Variants in CTNNA3 observed in about 807,000 individuals in gnomAD.
CTNNA3 encodes the protein catenin alpha 3, also known as catenin alpha-3.
Under a neutral mutation model 95.7 loss-of-function variants are expected in CTNNA3, and 76 were observed. That is an observed-to-expected ratio of 0.79 (90% confidence interval 0.66 to 0.96). The LOEUF is 0.96. Ranked by LOEUF, CTNNA3 falls within the 40% of genes least tolerant of loss-of-function variation. CTNNA3 has a pLI of 0.00. For synonymous variants in CTNNA3, 431 were observed against 374.4 expected (o/e 1.15, Z -1.74); for missense variants, 1,191 against 1,089.8 (o/e 1.09, Z -1.31).
intron 11 of CTNNA3, among the ~76,000 whole-genome samples, chr10:66,518,053 C>A (rs768537470): frequency 6.6e-6 from 1 of 152,058 alleles, no homozygotes; most frequent in Non-Finnish European, 1.5e-5. Flanking sequence ...GGGCTAGTAA[C>A]CCTAAAGCCA....
intron 17 of CTNNA3, among the ~76,000 whole-genome samples, chr10:65,931,908 G>T (rs2077259115): frequency 6.6e-6 from 1 of 152,160 alleles, no homozygotes; most frequent in Non-Finnish European, 1.5e-5. Context: ...AAAGCAGTAG[G>T]CATCTAAACT....
chr10:67,726,739 T>C (rs1201984405), intron 1 of CTNNA3, among the ~76,000 whole-genome samples: 1 of 99,444 alleles, frequency 1.0e-5, no homozygotes, highest in East Asian at 3.1e-4. Flanking sequence ...ATACAATATA[T>C]TATATATGAT....
Position 66,319,191 on chromosome 10 carries a change from G to GA in CTNNA3, c.1733-38571dup, listed in dbSNP as rs533989675. On this transcript the variant is annotated intron_variant, in intron 12 of 17. Transcript: ENST00000433211. ...TAATTACTTGATCATAATCAAATGG[G>GA]AAAAAAAATCAAGTGTTTAGTGTTT... 1.3e-3 allele frequency among the ~76,000 whole-genome samples: 203 copies of GA among 151,560 alleles called. 1 individual carries two copies. Among genetic ancestry groups the GA allele is most frequent in the African/African-American group, 4.4e-3 (184 of 41,382 alleles).
chr10:66,114,778 C>T (rs2082259170), intron 13 of CTNNA3, among the ~76,000 whole-genome samples: 1 of 151,484 alleles, frequency 6.6e-6, no homozygotes, highest in South Asian at 2.1e-4. Flanking sequence ...TCTCGGGAGG[C>T]TGAAGCAGGA....
At chr10:67,331,484 A>AT (rs1841792338) in intron 5 of CTNNA3, among the ~76,000 whole-genome samples, 1 of 150,796 alleles carries the variant, frequency 6.6e-6, no homozygotes, top group South Asian at 2.1e-4. Context: ...TAGTCATAGT[A>AT]TTGTGAGAAT....
chr10:67,311,720 G>T (rs1311928044), intron 5 of CTNNA3, among the ~76,000 whole-genome samples: 2 of 152,066 alleles, frequency 1.3e-5, no homozygotes, highest in Admixed American at 6.5e-5. Flanking sequence ...ACACCAAAAA[G>T]GCTGCTAAAA....
At chr10:66,967,007 C>T (rs1849456763) in intron 7 of CTNNA3, among the ~76,000 whole-genome samples, 1 of 151,882 alleles carries the variant, frequency 6.6e-6, no homozygotes, top group South Asian at 2.1e-4. Flanking sequence ...TTGCAATTTT[C>T]TTAAAATATA....
intron 6 of CTNNA3, among the ~76,000 whole-genome samples, chr10:67,204,478 C>T (rs73262291): frequency 0.021 from 3,221 of 152,264 alleles, 96 homozygotes; most frequent in African/African-American, 0.061. Flanking sequence ...AGCTCTCGTG[C>T]TTCCTGTACA....
At position 66,379,163 on chromosome 10, in the gene CTNNA3, A is replaced by G. The variant is rs375428912; in HGVS notation, c.1721T>C (p.Leu574Pro). The change falls in exon 12 of 18, where the codon CTT becomes CCT. Residue 574 changes from leucine to proline, a missense_variant. Transcript: ENST00000433211. ...GGCAACTGACTTACCAGTACTTGTA[A>G]GGAAGTTAACATTTCTCATTACACC... is the stretch of plus-strand genomic sequence containing the variant. ...TEGVMRNVNF[L>P]TSTVIPEFVT... The G allele has an allele frequency of 2.3e-5, 37 of 1,613,582 alleles. No individual in the cohort carries two copies. Among genetic ancestry groups the G allele is most frequent in the Non-Finnish European group, 3.1e-5 (36 of 1,179,592 alleles).
chr10:66,589,264 G>C (rs968322909), intron 10 of CTNNA3, among the ~76,000 whole-genome samples: 1 of 151,736 alleles, frequency 6.6e-6, no homozygotes, highest in Non-Finnish European at 1.5e-5. Context: ...ATAAATAGAG[G>C]AGAGGGGAAG....
intron 5 of CTNNA3, among the ~76,000 whole-genome samples, chr10:67,457,616 T>G (rs1360579976): frequency 6.6e-6 from 1 of 152,200 alleles, no homozygotes; most frequent in Non-Finnish European, 1.5e-5. Flanking sequence ...TTTACAGTTC[T>G]GGAGGTAAGA....
chr10:66,478,122 A>G (rs1226139306), intron 11 of CTNNA3, among the ~76,000 whole-genome samples: 1 of 152,132 alleles, frequency 6.6e-6, no homozygotes, highest in Non-Finnish European at 1.5e-5. Context: ...ATGCTCCAGC[A>G]TGCACTTTTA....
chr10:66,416,689 T>C (rs886197840), intron 11 of CTNNA3, among the ~76,000 whole-genome samples: 1 of 151,962 alleles, frequency 6.6e-6, no homozygotes, highest in Admixed American at 6.6e-5. Flanking sequence ...AACTGCAAGC[T>C]AAGATACTAT....
chr10:65,977,870 G>A (rs549783779), intron 16 of CTNNA3, among the ~76,000 whole-genome samples: 2 of 152,236 alleles, frequency 1.3e-5, no homozygotes, highest in Admixed American at 6.5e-5. Flanking sequence ...AGCTGGAAAA[G>A]TTTGTTAATG....
chr10:66,613,401 A>G (rs964760558), intron 10 of CTNNA3, among the ~76,000 whole-genome samples: 5 of 152,020 alleles, frequency 3.3e-5, no homozygotes, highest in Non-Finnish European at 2.9e-5. Context: ...GGATGCTCCC[A>G]GTAGGTGGTC....
At chr10:66,073,779 C>G (rs2080490660) in intron 14 of CTNNA3, among the ~76,000 whole-genome samples, 1 of 152,040 alleles carries the variant, frequency 6.6e-6, no homozygotes, top group Non-Finnish European at 1.5e-5. Context: ...TGCAATCCTT[C>G]ATCTAATCTC....
chr10:66,585,133 T>C (rs1158091425), intron 10 of CTNNA3, among the ~76,000 whole-genome samples: 1 of 152,094 alleles, frequency 6.6e-6, no homozygotes, highest in Non-Finnish European at 1.5e-5. Context: ...CATGTTGACT[T>C]TAGATAGCCT....
intron 7 of CTNNA3, among the ~76,000 whole-genome samples, chr10:66,942,788 T>G (rs1848077141): frequency 6.6e-6 from 1 of 152,178 alleles, no homozygotes; most frequent in African/African-American, 2.4e-5. Flanking sequence ...ACTATTACAT[T>G]TCTAGTGTGA....
chr10:66,595,868 T>G (rs1843697464), intron 10 of CTNNA3, among the ~76,000 whole-genome samples: 1 of 151,896 alleles, frequency 6.6e-6, no homozygotes. Context: ...AGACTGGTCT[T>G]AAACTCCTGG....
Sources: gnomAD v4.1 joint callset for allele counts (sites outside exome capture counted in the v4.1 genomes callset) on GRCh38, gnomAD v4.1.1 for gene constraint, MANE v1.5 for transcripts, NCBI Gene and HGNC (gene_info 2026-07-23, HGNC 2026-07-21) for gene names.